The following CFAP70 variants were observed in gnomAD, a reference collection of about 807,000 sequenced individuals.
CFAP70 encodes the protein cilia and flagella associated protein 70.
Under a neutral mutation model 137.6 loss-of-function variants are expected in CFAP70, and 81 were observed. That is an observed-to-expected ratio of 0.59 (90% CI 0.49 to 0.71). The LOEUF (loss-of-function observed/expected upper bound fraction) is 0.71. Ranked by LOEUF, CFAP70 falls within the 30% of genes least tolerant of loss-of-function variation. CFAP70 has a pLI of 0.00. For missense variants in CFAP70, 976 were observed against 1,226.7 expected (o/e 0.80, Z 3.05); for synonymous variants, 382 against 423.6 (o/e 0.90, Z 1.20).
rs113530143 is a variant in CFAP70 at position 73,299,203 on chromosome 10, A to AGTTTGTTTGTTT, written c.1318-114_1318-103dup. 1.2e-4 allele frequency: 102 copies of AGTTTGTTTGTTT among 837,998 alleles called. No individual in the cohort carries two copies. The African/African-American group carries it at 1.7e-3, about 14-fold the overall frequency. 51.9% of individuals were successfully genotyped at this position (837,998 alleles called of 1,614,324 possible). ...GTTTTATGTTCCATGATACTTTATT[A>AGTTTGTTTGTTT]GTTTGTTTGTTTGTTTGTTTGTTTT... On this transcript the variant is annotated intron_variant, in intron 13 of 26. Transcript: ENST00000310715.
upstream of CFAP70, among the ~76,000 whole-genome samples, chr10:73,362,560 TTTTC>T (rs2055054440): frequency 6.6e-6 from 1 of 152,198 alleles, no homozygotes; most frequent in African/African-American, 2.4e-5. Context: ...GGGATTGCTG[TTTTC>T]TTTTTCAGAT....
At chr10:73,273,552 T>G (rs1272708125) in intron 23 of CFAP70, among the ~76,000 whole-genome samples, 1 of 152,224 alleles carries the variant, frequency 6.6e-6, no homozygotes, top group Admixed American at 6.5e-5. Context: ...GATACATCTA[T>G]AGCTGAGCCT....
intron 6 of CFAP70, among the ~76,000 whole-genome samples, chr10:73,339,600 T>C (rs2053056690): frequency 6.6e-6 from 1 of 152,140 alleles, no homozygotes; most frequent in Non-Finnish European, 1.5e-5. Context: ...CATGGATCAT[T>C]GAGGGGTGTG....
intron 16 of CFAP70, 151 bp from the exon 18 acceptor site, chr10:73,292,165 T>C (rs558430398): frequency 2.1e-5 from 19 of 918,352 alleles, no homozygotes; most frequent in South Asian, 1.2e-4. Flanking sequence ...AAATGCCTAG[T>C]GCAATCACTG....
exon 3 of CFAP70, chr10:73,353,718 C>A (rs1219831862): frequency 2.5e-6 from 4 of 1,614,056 alleles, no homozygotes; most frequent in Non-Finnish European, 3.4e-6. Context: ...ATAAAGGTAA[C>A]TGGAGTATCT....
chr10:73,351,812 A>G (rs1453710064), intron 3 of CFAP70, among the ~76,000 whole-genome samples: 1 of 152,168 alleles, frequency 6.6e-6, no homozygotes, highest in East Asian at 1.9e-4. Flanking sequence ...GACTTTTCCT[A>G]TTGTTATGAA....
chr10:73,268,458 A>G (rs1037807286), intron 25 of CFAP70, among the ~76,000 whole-genome samples: 2 of 152,188 alleles, frequency 1.3e-5, no homozygotes, highest in Admixed American at 6.5e-5. Context: ...GAAGAGTTCT[A>G]CATTGGTGTT....
chr10:73,334,641 G>A (rs6480696), intron 7 of CFAP70, among the ~76,000 whole-genome samples: 15,801 of 150,794 alleles, frequency 0.1, 1,197 homozygotes, highest in East Asian at 0.3. Flanking sequence ...ATGCAGTGGC[G>A]TGATCTCGGC....
chr10:73,277,348 A>G (rs1312262949), exon 21 of CFAP70: 1 of 1,613,508 alleles, frequency 6.2e-7, no homozygotes, highest in Non-Finnish European at 8.5e-7. Context: ...ATGAATCTTG[A>G]CATTTTGATG....
At chr10:73,329,062 T>C (rs2051785121) in intron 8 of CFAP70, among the ~76,000 whole-genome samples, 1 of 152,026 alleles carries the variant, frequency 6.6e-6, no homozygotes. Flanking sequence ...GCGGCACTAT[T>C]CACAATAGCA....
chr10:73,309,666 T>C (rs1350469397), intron 12 of CFAP70, among the ~76,000 whole-genome samples: 1 of 151,420 alleles, frequency 6.6e-6, no homozygotes, highest in Non-Finnish European at 1.5e-5. Context: ...GAATTTTTTT[T>C]TTTTTTTAGA....
intron 12 of CFAP70, among the ~76,000 whole-genome samples, chr10:73,308,068 T>C (rs190315050): frequency 3.3e-5 from 5 of 151,664 alleles, no homozygotes; most frequent in Admixed American, 6.6e-5. Flanking sequence ...GGCAGGAGAA[T>C]TGCTTGAACC....
chr10:73,274,324 A>G, intron 23 of CFAP70, 109 bp downstream of exon 24: 1 of 1,260,144 alleles, frequency 7.9e-7, no homozygotes, highest in Non-Finnish European at 1.1e-6. Context: ...TTTGGATGTA[A>G]AAGTGTCATT....
At chr10:73,277,058 G>T in intron 21 of CFAP70, 182 bp downstream of exon 22, 1 of 612,380 alleles carries the variant, frequency 1.6e-6, no homozygotes, top group Non-Finnish European at 2.5e-6. Context: ...GAGGTCTTCT[G>T]CTGCCATGTG....
chr10:73,256,505 T>C, intron 25 of CFAP70, 89 bp from the exon 27 acceptor site: 1 of 1,348,240 alleles, frequency 7.4e-7, no homozygotes, highest in Non-Finnish European at 1.1e-6. Context: ...CAGAGGCACC[T>C]ACACCTAAGG....
chr10:73,278,144 C>T (rs754826073), intron 20 of CFAP70, 35 bp downstream of exon 21: 3 of 1,602,532 alleles, frequency 1.9e-6, no homozygotes, highest in South Asian at 2.2e-5. Context: ...TAGCTTATGC[C>T]CCTCTTCCAA....
At chr10:73,359,552 T>A (rs560911310), upstream of CFAP70, among the ~76,000 whole-genome samples, 2 of 152,006 alleles carry the variant, frequency 1.3e-5, no homozygotes, top group East Asian at 3.8e-4. Flanking sequence ...TTGAATAAAA[T>A]AGGAATATGC....
At chr10:73,254,096 G>A (rs773913116) in intron 26 of CFAP70, 41 bp from the exon 28 acceptor site, 5 of 1,509,270 alleles carry the variant, frequency 3.3e-6, no homozygotes, top group East Asian at 2.3e-5. Flanking sequence ...TATGTCATAC[G>A]TGATATACTT....
At chr10:73,328,564 G>A (rs1372947224) in intron 8 of CFAP70, among the ~76,000 whole-genome samples, 1 of 146,450 alleles carries the variant, frequency 6.8e-6, no homozygotes, top group African/African-American at 2.6e-5. Flanking sequence ...CCTACAAAAT[G>A]GGAGAAAATT....
Sources: gnomAD v4.1 joint callset for allele counts (sites outside exome capture counted in the v4.1 genomes callset) on GRCh38, gnomAD v4.1.1 for gene constraint, MANE v1.5 for transcripts, NCBI Gene and HGNC (gene_info 2026-07-23, HGNC 2026-07-21) for gene names.